The following EPHA8 variants were observed in gnomAD, a reference collection of about 807,000 sequenced individuals.
EPHA8 encodes ephrin type-A receptor 8.
Under a neutral mutation model 103.6 loss-of-function variants are expected in EPHA8, and 58 were observed. The observed-to-expected ratio is 0.56, with a 90% CI of 0.45 to 0.70. EPHA8 has a LOEUF of 0.70. Among genes scored for constraint, EPHA8 ranks in the 30% least tolerant of loss-of-function variants. The pLI, the probability that EPHA8 is intolerant of heterozygous loss-of-function variation, is 0.00. For missense variants in EPHA8, 1,304 were observed against 1,395.2 expected (o/e 0.93, Z 1.04); for synonymous variants, 559 against 572.5 (o/e 0.98, Z 0.34).
chr1:22,590,795 G>A (rs1336339238), intron 5 of EPHA8, among the ~76,000 whole-genome samples: 1 of 152,002 alleles, frequency 6.6e-6, no homozygotes, highest in Non-Finnish European at 1.5e-5. Context: ...GGTCACCAGC[G>A]AAGACCTCTC....
At position 22,593,586 on chromosome 1, in the gene EPHA8, C is replaced by T; in HGVS notation, c.1503C>T (p.Gly501=). ...KAVTTRATVS[G]LKPGTRYVFQ... Reference sequence around the variant, plus strand: ...TCACCACCAGAGCCACCGTCTCCGGCCTCAAGCCGGGCACCCGCTACGTGT... The same window carrying T: ...TCACCACCAGAGCCACCGTCTCCGGTCTCAAGCCGGGCACCCGCTACGTGT... Residue 501 remains glycine, a synonymous_variant, in exon 7 of 17, where the codon GGC becomes GGT. Coordinates refer to ENST00000166244, the MANE Select transcript of EPHA8 (RefSeq NM_020526.5). 1 of 1,612,096 alleles carries T rather than the reference C, an allele frequency of 6.2e-7. No individual in the cohort carries two copies. Among genetic ancestry groups the T allele is most frequent in the South Asian group, 1.1e-5 (1 of 90,908 alleles).
chr1:22,598,963 T>C lies in EPHA8; in HGVS notation c.2304T>C (p.Val768=). 6.2e-7 allele frequency: 1 copy of C among 1,611,172 alleles called. No individual in the cohort carries two copies. Residue 768 remains valine (V), a synonymous_variant, in exon 13 of 17, where the codon GTT becomes GTC. Coordinates refer to ENST00000166244, the MANE Select transcript of EPHA8 (RefSeq NM_020526.5). The surrounding 1 kb of genome is among the most constrained non-coding windows in gnomAD (Gnocchi z 5.1). ...ACCTGGCCGCCCGCAACGTCCTGGT[T>C]GACAGCAACCTGGTCTGCAAGGTGT... ...HRDLAARNVL[V]DSNLVCKVSD... is the part of the protein sequence containing the mutation.
rs1312727499 is a variant in EPHA8, at chr1:22,598,654, G to T, written c.2179-184G>T. 2.0e-5 allele frequency among the ~76,000 whole-genome samples: 3 copies of T among 152,220 alleles called. No homozygotes were observed. Among genetic ancestry groups the T allele is most frequent in the Non-Finnish European group, 4.4e-5 (3 of 68,044 alleles). On this transcript the variant is annotated intron_variant, in intron 12 of 16. Transcript: ENST00000166244. This position sits in a 1 kb window ranked among gnomAD's most constrained non-coding sequence, Gnocchi z 5.1. Reference sequence around the variant, plus strand: ...GCCCCACGTACCTCGCAGGGTTGCTGTGAGGGTAAATGAGACCAGGAGAAT... The same window carrying T: ...GCCCCACGTACCTCGCAGGGTTGCTTTGAGGGTAAATGAGACCAGGAGAAT...
intron 3 of EPHA8, among the ~76,000 whole-genome samples, 177 bp from the exon 4 acceptor site, chr1:22,586,303 C>T (rs1350202608): frequency 6.6e-6 from 1 of 152,134 alleles, no homozygotes; most frequent in African/African-American, 2.4e-5. Flanking sequence ...GACACAGGCC[C>T]CCTCTGCACT....
Position 22,593,580 on chromosome 1 carries a change from C to G in EPHA8, c.1497C>G (p.Val499=). The G allele has an allele frequency of 6.2e-7, 1 of 1,612,222 alleles. No individual in the cohort carries two copies. The highest frequency in any genetic ancestry group is 8.5e-7 in the Non-Finnish European group (1 of 1,179,654). Residue 499 remains valine, a synonymous_variant, in exon 7 of 17, where the codon GTC becomes GTG. Coordinates refer to ENST00000166244, the MANE Select transcript of EPHA8 (RefSeq NM_020526.5). ...AGGCCGTCACCACCAGAGCCACCGT[C>G]TCCGGCCTCAAGCCGGGCACCCGCT... is the stretch of plus-strand genomic sequence containing the variant. ...TLKAVTTRAT[V]SGLKPGTRYV... is the part of the protein sequence containing the mutation.
rs574627948 is a variant in EPHA8, at chr1:22,588,545, C to G, written c.980-326C>G. The stretch of plus-strand genomic sequence containing the variant: ...ACACACAGGGTGGCTGCTGTGGGCA[C>G]CCCCGGGACTGTGCGGTCTCTCTCC... On this transcript the variant is annotated intron_variant, in intron 4 of 16. Transcript: ENST00000166244. 5.1e-4 allele frequency among the ~76,000 whole-genome samples: 77 copies of G among 152,008 alleles called. No homozygotes were observed. The South Asian group carries it at 7.1e-3, about 14-fold the overall frequency.
At chr1:22,580,296 G>T (rs556990546) in intron 3 of EPHA8, among the ~76,000 whole-genome samples, 11 of 151,856 alleles carry the variant, frequency 7.2e-5, no homozygotes, top group Middle Eastern at 3.4e-3. Context: ...CCGCCACCAC[G>T]CCCAGCTAAT....
Position 22,567,764 on chromosome 1 carries a change from G to A in EPHA8, c.95-1525G>A, listed in dbSNP as rs1557549367. Among the ~76,000 whole-genome samples, 4 of 152,186 alleles carry A rather than the reference G, an allele frequency of 2.6e-5. No homozygotes were observed. The highest frequency in any genetic ancestry group is 7.2e-5 in the African/African-American group (3 of 41,438). ...GCAGAAGGACACCCAGCCTCCCCACGGGAAAGTTCCAGGAGAGCTCCACCT... is the reference window on the plus strand; with the variant it reads ...GCAGAAGGACACCCAGCCTCCCCACAGGAAAGTTCCAGGAGAGCTCCACCT... On this transcript the variant is annotated intron_variant, in intron 1 of 16. Coordinates refer to ENST00000166244, the MANE Select transcript of EPHA8 (RefSeq NM_020526.5). This position sits in a 1 kb window ranked among gnomAD's most constrained non-coding sequence, Gnocchi z 4.2.
At chr1:22,600,335 G>T (rs1641688130) in intron 13 of EPHA8, among the ~76,000 whole-genome samples, 2 of 151,838 alleles carry the variant, frequency 1.3e-5, no homozygotes, top group African/African-American at 4.8e-5. Flanking sequence ...AAGAAGGGAA[G>T]GGAGGAGAAA....
At chr1:22,591,386 T>TGTAGA (rs2148256629) in intron 5 of EPHA8, among the ~76,000 whole-genome samples, 1 of 136,458 alleles carries the variant, frequency 7.3e-6, no homozygotes, top group East Asian at 2.1e-4. Flanking sequence ...CCATGCCCAG[T>TGTAGA]GATTTTTTTT....
At chr1:22,593,969 A>T (rs1641447785) in intron 7 of EPHA8, among the ~76,000 whole-genome samples, 2 of 152,168 alleles carry the variant, frequency 1.3e-5, no homozygotes, top group African/African-American at 4.8e-5. Flanking sequence ...AGTAGCTGGG[A>T]CTACAGGCAC....
intron 4 of EPHA8, among the ~76,000 whole-genome samples, chr1:22,588,223 C>A (rs1641270290): frequency 1.3e-5 from 2 of 152,118 alleles, no homozygotes; most frequent in Admixed American, 6.5e-5. Context: ...TCCCCACAGA[C>A]CCCCATGCCC....
intron 3 of EPHA8, among the ~76,000 whole-genome samples, chr1:22,585,048 T>C (rs76752557): frequency 2.5e-3 from 280 of 111,334 alleles, no homozygotes; most frequent in Middle Eastern, 4.1e-3. Context: ...TGTGTGTGTG[T>C]GTGCGCACGC....
chr1:22,591,453 T>A (rs958642043), intron 5 of EPHA8, among the ~76,000 whole-genome samples: 18 of 144,882 alleles, frequency 1.2e-4, no homozygotes, highest in Admixed American at 1.2e-3. Context: ...ACTCCTGGGC[T>A]CAAGTGATCC....
At chr1:22,596,288 C>A in intron 9 of EPHA8, 115 bp downstream of exon 9, 3 of 1,038,274 alleles carry the variant, frequency 2.9e-6, no homozygotes, top group Non-Finnish European at 2.9e-6. Context: ...AAAACCAGAG[C>A]CCAAGAGGCA....
At position 22,601,398 on chromosome 1, in the gene EPHA8, G is replaced by C; in HGVS notation, c.2828G>C (p.Arg943Pro). The C allele has an allele frequency of 6.2e-7, 1 of 1,611,258 alleles. No individual in the cohort carries two copies. The highest frequency in any genetic ancestry group is 8.5e-7 in the Non-Finnish European group (1 of 1,179,770). Residue 943 changes from arginine (R) to proline (P), a missense_variant, in exon 16 of 17, where the codon CGC (arginine) becomes CCC (proline). Coordinates refer to ENST00000166244, the MANE Select transcript of EPHA8 (RefSeq NM_020526.5). The part of the protein sequence containing the change: ...LTVGDWLDSI[R>P]MGRYRDHFAA... ...GTGGGGGACTGGCTGGACTCCATCC[G>C]CATGGGCCGGTACCGAGACCACTTC... is the stretch of plus-strand genomic sequence containing the variant.
chr1:22,582,525 CA>C (rs58077176), intron 3 of EPHA8, among the ~76,000 whole-genome samples: 49,362 of 152,044 alleles, frequency 0.32, 10,227 homozygotes, highest in African/African-American at 0.6. Flanking sequence ...ACTCAGACCT[CA>C]AGAGACCCAT....
intron 7 of EPHA8, among the ~76,000 whole-genome samples, chr1:22,595,010 T>C (rs209694): frequency 0.44 from 66,304 of 152,056 alleles, 15,978 homozygotes; most frequent in African/African-American, 0.65. Flanking sequence ...ATTAGGAAGC[T>C]GGGCATCCAG....
chr1:22,582,006 C>T (rs1013682088), intron 3 of EPHA8, among the ~76,000 whole-genome samples: 5 of 152,168 alleles, frequency 3.3e-5, no homozygotes, highest in African/African-American at 1.2e-4. Context: ...CCTTTCTACC[C>T]CTGGAGAAGC....
Sources: gnomAD v4.1 joint callset for allele counts (sites outside exome capture counted in the v4.1 genomes callset) on GRCh38, gnomAD v4.1.1 for gene constraint, Gnocchi (gnomAD v3.1) non-coding constraint, MANE v1.5 for transcripts, NCBI Gene and HGNC (gene_info 2026-07-23, HGNC 2026-07-21) for gene names.